The following CHRM2 variants were observed in gnomAD, a reference collection of about 807,000 sequenced individuals.
The protein encoded by CHRM2 is cholinergic receptor muscarinic 2, also known as muscarinic acetylcholine receptor M2.
Under a neutral mutation model 25.0 loss-of-function variants are expected in CHRM2, and 8 were observed. The ratio of observed to expected loss-of-function variants is 0.32; its 90% CI spans 0.19 to 0.58. The LOEUF (loss-of-function observed/expected upper bound fraction) is 0.58, where lower values mean the gene tolerates loss of function less well. Among genes scored for constraint, CHRM2 ranks in the 20% least tolerant of loss-of-function variants. The pLI is 0.88. For missense variants in CHRM2, 440 were observed against 567.1 expected (o/e 0.78, Z 2.28); for synonymous variants, 202 against 205.7 (o/e 0.98, Z 0.15).
intron 2 of CHRM2, among the ~76,000 whole-genome samples, chr7:136,896,107 A>AC (rs1268027315): frequency 6.6e-6 from 1 of 152,216 alleles, no homozygotes; most frequent in Non-Finnish European, 1.5e-5. Context: ...AATTGCCTTT[A>AC]CTTTTTTTTC....
At chr7:137,001,832 A>G (rs1804055893) in intron 3 of CHRM2, among the ~76,000 whole-genome samples, 1 of 152,188 alleles carries the variant, frequency 6.6e-6, no homozygotes, top group Non-Finnish European at 1.5e-5. Context: ...TAGTCACCGT[A>G]TCATAAACAA....
intron 2 of CHRM2, among the ~76,000 whole-genome samples, chr7:136,939,186 G>T (rs1799618112): frequency 6.6e-6 from 1 of 152,110 alleles, no homozygotes; most frequent in Non-Finnish European, 1.5e-5. Flanking sequence ...TCCTTCCAAG[G>T]TAATATCAAT....
At chr7:136,891,753 T>G (rs957630344) in intron 2 of CHRM2, among the ~76,000 whole-genome samples, 1 of 152,174 alleles carries the variant, frequency 6.6e-6, no homozygotes, top group Non-Finnish European at 1.5e-5. Flanking sequence ...ATATGCCCTA[T>G]ATTTTTCCTT....
chr7:136,919,857 G>A (rs923134252), intron 2 of CHRM2, among the ~76,000 whole-genome samples: 2 of 152,046 alleles, frequency 1.3e-5, no homozygotes, highest in African/African-American at 4.8e-5. Flanking sequence ...GCTCTATTGG[G>A]TTCTTATGTA....
intron 2 of CHRM2, among the ~76,000 whole-genome samples, chr7:136,879,526 C>T (rs1051858571): frequency 2.6e-5 from 4 of 151,948 alleles, no homozygotes; most frequent in African/African-American, 9.7e-5. Context: ...ATAATACCAG[C>T]TAATTTCTTT....
intron 3 of CHRM2, among the ~76,000 whole-genome samples, chr7:137,012,120 T>G (rs1584923208): frequency 6.6e-6 from 1 of 152,074 alleles, no homozygotes; most frequent in African/African-American, 2.4e-5. Context: ...CATTCATTTT[T>G]TGTATTTTTC....
At chr7:136,877,164 T>A (rs964287098) in intron 2 of CHRM2, among the ~76,000 whole-genome samples, 2 of 152,068 alleles carry the variant, frequency 1.3e-5, no homozygotes, top group African/African-American at 4.8e-5. Flanking sequence ...CTATATGTAT[T>A]TTCCATTAGG....
chr7:136,997,425 G>A (rs182625009), intron 3 of CHRM2, among the ~76,000 whole-genome samples: 8 of 152,206 alleles, frequency 5.3e-5, no homozygotes, highest in African/African-American at 1.7e-4. Flanking sequence ...ATAAATGATC[G>A]AGAATATTTT....
intron 2 of CHRM2, among the ~76,000 whole-genome samples, chr7:136,897,444 C>A (rs1466750575): frequency 6.6e-6 from 1 of 152,058 alleles, no homozygotes; most frequent in Non-Finnish European, 1.5e-5. Context: ...CACAATAGTT[C>A]TCATGCTGTA....
At chr7:136,997,007 A>C (rs1160509611) in intron 3 of CHRM2, among the ~76,000 whole-genome samples, 1 of 152,148 alleles carries the variant, frequency 6.6e-6, no homozygotes, top group Non-Finnish European at 1.5e-5. Context: ...ATTCTCACCC[A>C]GCTGTATCTC....
chr7:136,982,221 T>A (rs142934558), intron 2 of CHRM2, among the ~76,000 whole-genome samples: 1 of 152,324 alleles, frequency 6.6e-6, no homozygotes, highest in East Asian at 1.9e-4. Flanking sequence ...TCTTTTTTGA[T>A]CTTTGTTGCG....
chr7:136,951,959 C>A (rs1182486770), intron 2 of CHRM2, among the ~76,000 whole-genome samples: 2 of 152,070 alleles, frequency 1.3e-5, no homozygotes, highest in African/African-American at 4.8e-5. Context: ...AAAATAGTAT[C>A]TTTGGGGCAT....
chr7:136,979,570 T>C (rs1011809251), intron 2 of CHRM2, among the ~76,000 whole-genome samples: 1 of 152,228 alleles, frequency 6.6e-6, no homozygotes, highest in African/African-American at 2.4e-5. Flanking sequence ...AGAGTTTTTA[T>C]GGTTTTATGT....
At chr7:137,003,412 A>C (rs1206611768) in intron 3 of CHRM2, among the ~76,000 whole-genome samples, 3 of 150,986 alleles carry the variant, frequency 2.0e-5, no homozygotes, top group African/African-American at 7.3e-5. Flanking sequence ...TTTTCTTCTT[A>C]TATGTTATTA....
rs568565651 is a variant in CHRM2 at position 136,883,800 on chromosome 7, G to A, written c.-125+14382G>A. Among the ~76,000 whole-genome samples the A allele has an allele frequency of 2.6e-4, 39 of 152,226 alleles. No individual in the cohort carries two copies. In the East Asian group the frequency reaches 5.2e-3, roughly 20 times the overall value. Reference sequence around the variant, plus strand: ...GGAAAGGCTGGATTCAAACATGAGCGACTGTCAAAACTTTAATGACAGGTA... The same window carrying A: ...GGAAAGGCTGGATTCAAACATGAGCAACTGTCAAAACTTTAATGACAGGTA... On this transcript the variant is annotated intron_variant, in intron 2 of 3. Coordinates refer to ENST00000680005, the MANE Select transcript of CHRM2 (RefSeq NM_001006630.2).
At chr7:137,012,810 CCTGAGACAAGTGTTTCTTAATACATTTT>C in intron 3 of CHRM2, among the ~76,000 whole-genome samples, 1 of 151,906 alleles carries the variant, frequency 6.6e-6, no homozygotes, top group African/African-American at 2.4e-5. Context: ...ATGTGGCATT[CCTGAGACAAGTGTTTCTTAATACATTTT>C]TATAGATACA....
intron 2 of CHRM2, among the ~76,000 whole-genome samples, chr7:136,909,745 C>A (rs557446919): frequency 1.3e-5 from 2 of 151,986 alleles, no homozygotes; most frequent in East Asian, 3.9e-4. Flanking sequence ...TTTAGATGCA[C>A]TTCCTTCTTC....
At chr7:136,963,625 C>T (rs1017208630) in intron 2 of CHRM2, among the ~76,000 whole-genome samples, 1 of 152,070 alleles carries the variant, frequency 6.6e-6, no homozygotes. Flanking sequence ...ACAATTTAGT[C>T]CAGTACATTT....
At position 137,018,544 on chromosome 7, in the gene CHRM2, ATTATTATGTAGAT is replaced by A. The variant is rs1269240537; in HGVS notation, c.*2281_*2293del. 1 of 151,898 alleles carries A rather than the reference ATTATTATGTAGAT, an allele frequency of 6.6e-6. No individual in the cohort carries two copies. The highest frequency in any genetic ancestry group is 1.9e-4 in the East Asian group (1 of 5,148). The allele number at this position is 151,898 out of a possible 1,614,324, so 9.4% of individuals were successfully genotyped here. ...ATTTCCCTTTTTAATGTATTGTATT[ATTATTATGTAGAT>A]TTGGCTTCAGTTGGGAAGAACCCTT... On this transcript the variant is annotated 3_prime_UTR_variant, in exon 4 of 4. Transcript: ENST00000680005.
Sources: allele counts gnomAD v4.1 joint callset (sites outside exome capture counted in the v4.1 genomes callset), GRCh38; gene constraint gnomAD v4.1.1; transcripts MANE v1.5; gene names NCBI Gene and HGNC (gene_info 2026-07-23, HGNC 2026-07-21).